CCDC85A: variants seen among roughly 807,000 people sequenced by gnomAD.
The protein encoded by CCDC85A is coiled-coil domain containing 85A.
A neutral mutation model predicts 50.2 loss-of-function variants in CCDC85A; 38 were observed. The ratio of observed to expected loss-of-function variants is 0.76; its 90% confidence interval spans 0.58 to 0.99. The LOEUF is 0.99. Ranked by LOEUF, CCDC85A falls within the 50% of genes least tolerant of loss-of-function variation. The pLI, the probability that CCDC85A is intolerant of heterozygous loss-of-function variation, is 0.00. For missense variants in CCDC85A, 820 were observed against 742.0 expected (o/e 1.11, Z -1.22); for synonymous variants, 366 against 301.4 (o/e 1.21, Z -2.22).
intron 3 of CCDC85A, among the ~76,000 whole-genome samples, chr2:56,346,340 CAG>C (rs1369043210): frequency 6.6e-6 from 1 of 152,084 alleles, no homozygotes; most frequent in Non-Finnish European, 1.5e-5. Flanking sequence ...TTTGTGGGCT[CAG>C]GGGTAAATAA....
chr2:56,366,524 A>G (rs1161495335), intron 3 of CCDC85A, among the ~76,000 whole-genome samples: 2 of 152,140 alleles, frequency 1.3e-5, no homozygotes, highest in Admixed American at 1.3e-4. Context: ...TTTTGCATAA[A>G]TCCTTTGCTA....
chr2:56,301,356 T>C (rs564365506), intron 2 of CCDC85A, among the ~76,000 whole-genome samples: 19 of 152,176 alleles, frequency 1.2e-4, no homozygotes, highest in Non-Finnish European at 2.1e-4. Context: ...TCTTAAAGTA[T>C]GACCTTCTTA....
At chr2:56,350,292 C>T (rs924185164) in intron 3 of CCDC85A, among the ~76,000 whole-genome samples, 1 of 151,862 alleles carries the variant, frequency 6.6e-6, no homozygotes, top group Admixed American at 6.6e-5. Flanking sequence ...CTCAGCCTCC[C>T]GGGTGCAGTG....
At chr2:56,342,266 T>C (rs1674411161) in intron 2 of CCDC85A, among the ~76,000 whole-genome samples, 3 of 151,956 alleles carry the variant, frequency 2.0e-5, no homozygotes, top group African/African-American at 7.3e-5. Flanking sequence ...TTAAGAAAGA[T>C]TTGTGGAAAA....
intron 2 of CCDC85A, among the ~76,000 whole-genome samples, chr2:56,272,478 C>T (rs1204885621): frequency 2.0e-5 from 3 of 152,176 alleles, no homozygotes; most frequent in African/African-American, 7.2e-5. Context: ...TGGACCTCCT[C>T]CACCTAACAT....
intron 3 of CCDC85A, among the ~76,000 whole-genome samples, chr2:56,358,109 A>G (rs1675328404): frequency 6.6e-6 from 1 of 152,154 alleles, no homozygotes; most frequent in Non-Finnish European, 1.5e-5. Context: ...ACACTTTTGC[A>G]TCTCTTGAAG....
intron 2 of CCDC85A, among the ~76,000 whole-genome samples, chr2:56,221,723 A>C (rs1668335997): frequency 6.6e-6 from 1 of 152,158 alleles, no homozygotes; most frequent in African/African-American, 2.4e-5. Flanking sequence ...TTGAAAACAG[A>C]ATCATAAAAA....
At chr2:56,240,541 G>C (rs1260144585) in intron 2 of CCDC85A, among the ~76,000 whole-genome samples, 1 of 152,082 alleles carries the variant, frequency 6.6e-6, no homozygotes, top group Non-Finnish European at 1.5e-5. Context: ...AAAATGCCAA[G>C]AGCCTGGATG....
intron 2 of CCDC85A, among the ~76,000 whole-genome samples, chr2:56,288,780 C>T (rs1671565124): frequency 6.6e-6 from 1 of 152,042 alleles, no homozygotes; most frequent in South Asian, 2.1e-4. Flanking sequence ...ATCCTAAGAC[C>T]AGAGCACCAA....
intron 2 of CCDC85A, among the ~76,000 whole-genome samples, chr2:56,334,937 T>G (rs1673997446): frequency 6.6e-6 from 1 of 152,106 alleles, no homozygotes. Flanking sequence ...GAAAAAGGTC[T>G]GAGAAGAGTA....
At chr2:56,368,889 C>T (rs1458730518) in intron 3 of CCDC85A, among the ~76,000 whole-genome samples, 1 of 151,634 alleles carries the variant, frequency 6.6e-6, no homozygotes, top group Non-Finnish European at 1.5e-5. Context: ...ATTTGTTTTC[C>T]ATTTTTCTGG....
At chr2:56,230,870 A>T (rs932069254) in intron 2 of CCDC85A, among the ~76,000 whole-genome samples, 9 of 152,170 alleles carry the variant, frequency 5.9e-5, no homozygotes, top group African/African-American at 2.2e-4. Context: ...TGCTGGAGGA[A>T]ATTAGAAGAA....
intron 3 of CCDC85A, among the ~76,000 whole-genome samples, chr2:56,361,234 A>T (rs2104368622): frequency 6.6e-6 from 1 of 150,424 alleles, no homozygotes; most frequent in East Asian, 2.0e-4. Context: ...AGTCTGGTTG[A>T]CAGAGCAAGA....
intron 2 of CCDC85A, among the ~76,000 whole-genome samples, chr2:56,245,839 G>A (rs1669482512): frequency 6.6e-6 from 1 of 152,184 alleles, no homozygotes; most frequent in East Asian, 1.9e-4. Context: ...ATGTGTGGAT[G>A]TATCAAGAAG....
chr2:56,295,849 A>G (rs1573198400), intron 2 of CCDC85A, among the ~76,000 whole-genome samples: 1 of 152,318 alleles, frequency 6.6e-6, no homozygotes. Context: ...CCAGGTGAGA[A>G]GGTGAGTTGC....
chr2:56,331,503 CA>C (rs1673788459), intron 2 of CCDC85A, among the ~76,000 whole-genome samples: 1 of 152,152 alleles, frequency 6.6e-6, no homozygotes. Context: ...ATCCATGTAA[CA>C]AAACTGCACT....
intron 2 of CCDC85A, among the ~76,000 whole-genome samples, chr2:56,212,422 T>C: frequency 8.9e-6 from 1 of 112,132 alleles, no homozygotes; most frequent in African/African-American, 2.7e-5. Flanking sequence ...AAATTACTGT[T>C]GTCGAATGGC....
chr2:56,313,361 T>A (rs536518034), intron 2 of CCDC85A, among the ~76,000 whole-genome samples: 1 of 152,180 alleles, frequency 6.6e-6, no homozygotes, highest in Non-Finnish European at 1.5e-5. Flanking sequence ...ATAGTCCTTA[T>A]AGTACCTGGC....
At chr2:56,306,982 A>G (rs1222708275) in intron 2 of CCDC85A, among the ~76,000 whole-genome samples, 3 of 152,122 alleles carry the variant, frequency 2.0e-5, no homozygotes, top group East Asian at 1.9e-4. Flanking sequence ...AAAATTTAGT[A>G]TAGTGGTTTT....
Sources: gnomAD v4.1 joint callset for allele counts (sites outside exome capture counted in the v4.1 genomes callset) on GRCh38, gnomAD v4.1.1 for gene constraint, MANE v1.5 for transcripts, NCBI Gene and HGNC (gene_info 2026-07-23, HGNC 2026-07-21) for gene names.